Variants in ADK observed in about 807,000 individuals in gnomAD.
ADK encodes the protein adenosine kinase.
A neutral mutation model predicts 44.7 loss-of-function variants in ADK; 24 were observed. That is an observed-to-expected ratio of 0.54 (90% CI 0.39 to 0.76). ADK has a LOEUF of 0.76. ADK is among the 30% of genes least tolerant of loss of function. ADK has a pLI of 0.00. For missense variants in ADK, 321 were observed against 425.1 expected (o/e 0.76, Z 2.15); for synonymous variants, 128 against 142.6 (o/e 0.90, Z 0.73).
chr10:74,213,699 A>C (rs1013469032), intron 2 of ADK, among the ~76,000 whole-genome samples: 18 of 152,228 alleles, frequency 1.2e-4, no homozygotes, highest in Admixed American at 2.0e-4. Flanking sequence ...GATGCAACAG[A>C]GATATCTAGT....
chr10:74,368,670 C>T (rs1842568354), intron 4 of ADK, among the ~76,000 whole-genome samples: 1 of 151,608 alleles, frequency 6.6e-6, no homozygotes, highest in Non-Finnish European at 1.5e-5. Flanking sequence ...CACTTTGTTG[C>T]CCAGGCTGGA....
chr10:74,700,564 GA>G (rs879720835), intron 10 of ADK, among the ~76,000 whole-genome samples: 8 of 150,810 alleles, frequency 5.3e-5, no homozygotes, highest in Non-Finnish European at 8.9e-5. Context: ...CTTTTAAGTG[GA>G]AAAAAAGCAA....
chr10:74,293,993 T>A (rs1839723096), intron 3 of ADK, among the ~76,000 whole-genome samples: 1 of 152,202 alleles, frequency 6.6e-6, no homozygotes, highest in Admixed American at 6.5e-5. Context: ...GAGATTACCT[T>A]TGCTGTTTTA....
intron 10 of ADK, among the ~76,000 whole-genome samples, chr10:74,699,013 A>ATTTTTT (rs529911090): frequency 7.1e-6 from 1 of 140,058 alleles, no homozygotes. Flanking sequence ...CGCCCAGCTA[A>ATTTTTT]TTTTTTTTTT....
intron 7 of ADK, among the ~76,000 whole-genome samples, chr10:74,553,474 C>T (rs1028840944): frequency 1.3e-5 from 2 of 152,048 alleles, no homozygotes; most frequent in African/African-American, 4.8e-5. Context: ...GCTGGGATTA[C>T]AGGCATGAGC....
intron 1 of ADK, among the ~76,000 whole-genome samples, chr10:74,182,529 C>T (rs1480878489): frequency 2.6e-5 from 4 of 151,858 alleles, no homozygotes; most frequent in South Asian, 2.1e-4. Context: ...CCACCATGCC[C>T]GGCTAATTTT....
At chr10:74,193,145 T>C (rs7090732) in intron 1 of ADK, among the ~76,000 whole-genome samples, 111,954 of 152,034 alleles carry the variant, frequency 0.74, 41,929 homozygotes, top group Middle Eastern at 0.85. Flanking sequence ...GGTGATACTC[T>C]GTATTTTAAA....
chr10:74,443,883 G>T (rs531697585), intron 6 of ADK, among the ~76,000 whole-genome samples: 1 of 152,012 alleles, frequency 6.6e-6, no homozygotes. Context: ...TAATGTAAAA[G>T]TGTTATTATT....
chr10:74,615,607 A>G (rs1015843145), intron 9 of ADK, among the ~76,000 whole-genome samples: 1 of 152,208 alleles, frequency 6.6e-6, no homozygotes, highest in Non-Finnish European at 1.5e-5. Flanking sequence ...GTGAGTATGT[A>G]ATAGACCTCA....
chr10:74,263,835 G>A (rs991178353), intron 3 of ADK, among the ~76,000 whole-genome samples: 2 of 152,080 alleles, frequency 1.3e-5, no homozygotes, highest in African/African-American at 2.4e-5. Context: ...GTTAATGCAC[G>A]TAATTTATAT....
chr10:74,529,875 A>G (rs529176831), intron 7 of ADK, among the ~76,000 whole-genome samples: 3 of 152,322 alleles, frequency 2.0e-5, no homozygotes, highest in East Asian at 1.9e-4. Flanking sequence ...TTGGTATTTT[A>G]TTGAAGCAGT....
At chr10:74,242,596 C>T (rs999812745) in intron 3 of ADK, among the ~76,000 whole-genome samples, 1 of 152,112 alleles carries the variant, frequency 6.6e-6, no homozygotes, top group African/African-American at 2.4e-5. Flanking sequence ...GGGTGGGTCC[C>T]TGGTGAAACC....
At chr10:74,612,354 C>G (rs939307200) in intron 9 of ADK, among the ~76,000 whole-genome samples, 1 of 152,062 alleles carries the variant, frequency 6.6e-6, no homozygotes, top group Non-Finnish European at 1.5e-5. Flanking sequence ...TCCTGAGGCT[C>G]AAGCAGTTCT....
At chr10:74,666,731 A>G (rs1854967979) in intron 9 of ADK, among the ~76,000 whole-genome samples, 1 of 151,938 alleles carries the variant, frequency 6.6e-6, no homozygotes, top group Admixed American at 6.6e-5. Flanking sequence ...CTGTAAGTGT[A>G]TATTCAGATT....
intron 3 of ADK, among the ~76,000 whole-genome samples, chr10:74,291,806 T>C (rs1252653957): frequency 6.6e-6 from 1 of 152,006 alleles, no homozygotes; most frequent in Non-Finnish European, 1.5e-5. Context: ...CTTTGTATTA[T>C]GTGTATCATA....
rs747443907 is a variant in ADK, at chr10:74,660,729, C to CAAA, written c.878-9436_878-9434dup. Among the ~76,000 whole-genome samples, 97 of 92,744 alleles carry CAAA rather than the reference C, an allele frequency of 1.0e-3. 1 individual carries two copies. The highest frequency in any genetic ancestry group is 3.3e-3 in the African/African-American group (73 of 21,972). 60.8% of individuals were successfully genotyped at this position (92,744 alleles called of 152,430 possible). On this transcript the variant is annotated intron_variant, in intron 9 of 10. Coordinates refer to ENST00000539909, the MANE Select transcript of ADK (RefSeq NM_006721.4). ...AGGGTGACAAAGTGAGACCCTGTCTCAAAAAAAAAAAAAAAAAAAAGAGGC... is the reference window on the plus strand; with the variant it reads ...AGGGTGACAAAGTGAGACCCTGTCTCAAAAAAAAAAAAAAAAAAAAAAAGAGGC...
At chr10:74,247,208 ATTTTTTTTTTTTTAAGTTTTTTTT>A (rs1225106648) in intron 3 of ADK, among the ~76,000 whole-genome samples, 1 of 59,350 alleles carries the variant, frequency 1.7e-5, no homozygotes, top group Non-Finnish European at 4.0e-5. Flanking sequence ...GCTTTTTTTG[ATTTTTTTTTTTTTAAGTTTTTTTT>A]TTTTTTTTTT....
At chr10:74,678,059 T>C (rs1855465654) in intron 10 of ADK, among the ~76,000 whole-genome samples, 1 of 147,216 alleles carries the variant, frequency 6.8e-6, no homozygotes, top group African/African-American at 2.5e-5. Flanking sequence ...GAGGATAGCT[T>C]GAGCCCAAAA....
intron 9 of ADK, among the ~76,000 whole-genome samples, chr10:74,630,607 G>A (rs1402681606): frequency 6.6e-6 from 1 of 152,084 alleles, no homozygotes; most frequent in Non-Finnish European, 1.5e-5. Context: ...ATTCAAAGAC[G>A]TGATACTAAT....
Sources: gnomAD v4.1 joint callset for allele counts (sites outside exome capture counted in the v4.1 genomes callset) on GRCh38, gnomAD v4.1.1 for gene constraint, MANE v1.5 for transcripts, NCBI Gene and HGNC (gene_info 2026-07-23, HGNC 2026-07-21) for gene names.